The following HSD17B12 variants were observed in gnomAD, a reference collection of about 807,000 sequenced individuals.
HSD17B12 encodes very-long-chain 3-oxoacyl-CoA reductase.
HSD17B12 carries 32 observed loss-of-function variants against 39.3 expected under a neutral mutation model. That is an observed-to-expected ratio of 0.81 (90% CI 0.61 to 1.09). The LOEUF is 1.09. Among genes scored for constraint, HSD17B12 ranks in the 50% least tolerant of loss-of-function variants. The pLI is 0.00. For synonymous variants in HSD17B12, 150 were observed against 146.7 expected, an observed-to-expected ratio of 1.02 and a Z score of -0.16; for missense variants, 342 against 382.9, an observed-to-expected ratio of 0.89 and a Z score of 0.89.
chr11:43,619,245 A>ACC, the HSD17B12 span, among the ~76,000 whole-genome samples: 1 of 70,742 alleles, frequency 1.4e-5, no homozygotes, highest in African/African-American at 4.3e-5. Flanking sequence ...ATATATATAA[A>ACC]ATATATATAT....
At chr11:43,781,012 CCTT>C (rs1219120134) in intron 3 of HSD17B12, among the ~76,000 whole-genome samples, 2 of 152,146 alleles carry the variant, frequency 1.3e-5, no homozygotes, top group African/African-American at 4.8e-5. Flanking sequence ...ACCTATAACT[CCTT>C]CTCCTCAAAC....
the HSD17B12 span, among the ~76,000 whole-genome samples, chr11:43,560,426 G>C: frequency 1.3e-5 from 2 of 152,178 alleles, no homozygotes; most frequent in Non-Finnish European, 2.9e-5. Flanking sequence ...ACATAAGTAA[G>C]AAATGCTACT....
chr11:43,624,264 A>C, the HSD17B12 span, among the ~76,000 whole-genome samples: 1 of 152,016 alleles, frequency 6.6e-6, no homozygotes, highest in South Asian at 2.1e-4. Flanking sequence ...GAAGGAAAAG[A>C]AAGTCTCTTG....
At chr11:43,772,927 A>G (rs1021176875) in intron 3 of HSD17B12, among the ~76,000 whole-genome samples, 1 of 152,174 alleles carries the variant, frequency 6.6e-6, no homozygotes, top group Non-Finnish European at 1.5e-5. Context: ...CCTGGGCAAT[A>G]TAGTGAGACC....
At chr11:43,608,411 A>G in the HSD17B12 span, among the ~76,000 whole-genome samples, 14 of 152,050 alleles carry the variant, frequency 9.2e-5, no homozygotes, top group African/African-American at 3.4e-4. Context: ...TTTAAAAATC[A>G]ATGCCCTTTC....
the HSD17B12 span, among the ~76,000 whole-genome samples, chr11:43,617,015 G>C: frequency 6.6e-6 from 1 of 151,330 alleles, no homozygotes. Flanking sequence ...AAAATCCGGG[G>C]TAAGTTCTGT....
chr11:43,653,054 A>AG, the HSD17B12 span, among the ~76,000 whole-genome samples: 1 of 151,944 alleles, frequency 6.6e-6, no homozygotes, highest in East Asian at 1.9e-4. Context: ...TCAGAAAAGT[A>AG]GGGGGAGATT....
chr11:43,697,287 G>T (rs1949921525), intron 1 of HSD17B12, among the ~76,000 whole-genome samples: 1 of 152,134 alleles, frequency 6.6e-6, no homozygotes, highest in African/African-American at 2.4e-5. Context: ...GGCTATGGGG[G>T]CACTAACCTG....
chr11:43,582,473 T>G, the HSD17B12 span, among the ~76,000 whole-genome samples: 4 of 152,196 alleles, frequency 2.6e-5, no homozygotes, highest in African/African-American at 9.7e-5. Context: ...CTAGGAACAC[T>G]GCTAGACGCC....
At chr11:43,669,727 T>C in the HSD17B12 span, among the ~76,000 whole-genome samples, 1 of 152,202 alleles carries the variant, frequency 6.6e-6, no homozygotes, top group African/African-American at 2.4e-5. Flanking sequence ...CTCTTTGTGT[T>C]TCTCTAAATC....
At position 43,816,392 on chromosome 11, in the gene HSD17B12, G is replaced by C. The variant is rs752249158; in HGVS notation, c.501+1G>C. ...TATTAATATTCTTTCTGTTTGTAAG[G>C]TAAGCATCCTTGTTATAAAGATGTC... On this transcript the variant is annotated splice_donor_variant, in intron 6 of 10. Coordinates refer to ENST00000278353, the MANE Select transcript of HSD17B12 (RefSeq NM_016142.3). LOFTEE classifies it high-confidence loss of function. 1 of 1,521,722 alleles carries C rather than the reference G, an allele frequency of 6.6e-7. No homozygotes were observed. The highest frequency in any genetic ancestry group is 8.9e-7 in the Non-Finnish European group (1 of 1,125,738). The allele number at this position is 1,521,722 out of a possible 1,614,324, so 94.3% of individuals were successfully genotyped here.
chr11:43,659,678 A>T, the HSD17B12 span, among the ~76,000 whole-genome samples: 1 of 152,228 alleles, frequency 6.6e-6, no homozygotes, highest in Non-Finnish European at 1.5e-5. Flanking sequence ...AGCAAGCTAC[A>T]CAAAAGGAAG....
the HSD17B12 span, among the ~76,000 whole-genome samples, chr11:43,562,928 G>A: frequency 6.6e-6 from 1 of 152,168 alleles, no homozygotes; most frequent in Non-Finnish European, 1.5e-5. Context: ...GTGGGTGGGA[G>A]AAGATCATCT....
chr11:43,616,033 G>C, the HSD17B12 span, among the ~76,000 whole-genome samples: 7 of 152,148 alleles, frequency 4.6e-5, no homozygotes, highest in Admixed American at 2.6e-4. Flanking sequence ...AAAAAATGAA[G>C]AGAAGGGGGA....
At chr11:43,589,570 C>T in the HSD17B12 span, among the ~76,000 whole-genome samples, 8 of 152,198 alleles carry the variant, frequency 5.3e-5, no homozygotes, top group Non-Finnish European at 1.2e-4. Context: ...TACATTTCCA[C>T]TTTCCCACAT....
chr11:43,827,623 A>G (rs1045280632), intron 6 of HSD17B12, among the ~76,000 whole-genome samples: 2 of 152,222 alleles, frequency 1.3e-5, no homozygotes, highest in African/African-American at 4.8e-5. Flanking sequence ...AAATTAAGTC[A>G]CTTTTAGTCG....
At chr11:43,580,144 A>T in the HSD17B12 span, among the ~76,000 whole-genome samples, 1 of 146,658 alleles carries the variant, frequency 6.8e-6, no homozygotes, top group Non-Finnish European at 1.5e-5. Context: ...CAAAGTTTGG[A>T]TGGATGGGAT....
At chr11:43,706,054 G>A (rs1236471442) in intron 1 of HSD17B12, among the ~76,000 whole-genome samples, 1 of 152,146 alleles carries the variant, frequency 6.6e-6, no homozygotes, top group East Asian at 1.9e-4. Flanking sequence ...GAGCAAAGAT[G>A]TATGGAACTC....
At chr11:43,755,008 C>A in intron 3 of HSD17B12, 1 of 598,232 alleles carries the variant, frequency 1.7e-6, no homozygotes, top group South Asian at 2.2e-5. Flanking sequence ...GTTTGCTGAC[C>A]ATTTGTGGCC....
Sources: allele counts gnomAD v4.1 joint callset (sites outside exome capture counted in the v4.1 genomes callset), GRCh38; gene constraint gnomAD v4.1.1; transcripts MANE v1.5; gene names NCBI Gene and HGNC (gene_info 2026-07-23, HGNC 2026-07-21).